The following WASHC5 variants were observed in gnomAD, a reference collection of about 807,000 sequenced individuals.
WASHC5 encodes WASH complex subunit strumpellin.
Under a neutral mutation model 150.4 loss-of-function variants are expected in WASHC5, and 101 were observed. The observed-to-expected ratio is 0.67, with a 90% CI of 0.57 to 0.79. WASHC5 has a LOEUF of 0.79. Among genes scored for constraint, WASHC5 ranks in the 30% least tolerant of loss-of-function variants. The pLI is 0.00. For missense variants in WASHC5, 1,195 were observed against 1,396.3 expected, an observed-to-expected ratio of 0.86 and a Z score of 2.30; for synonymous variants, 467 against 491.2, an observed-to-expected ratio of 0.95 and a Z score of 0.65.
intron 27 of WASHC5, among the ~76,000 whole-genome samples, chr8:125,030,132 A>C (rs1815483878): frequency 6.6e-6 from 1 of 152,180 alleles, no homozygotes; most frequent in South Asian, 2.1e-4. Flanking sequence ...AGTGAAAAAG[A>C]AAGAGAGGAA....
intron 6 of WASHC5, among the ~76,000 whole-genome samples, chr8:125,076,752 A>AAAAAAAAAAAAAG (rs1817075299): frequency 6.7e-6 from 1 of 149,964 alleles, no homozygotes; most frequent in African/African-American, 2.5e-5. Flanking sequence ...CTTAAAAAAA[A>AAAAAAAAAAAAAG]AAAAAAAAAG....
chr8:125,027,256 T>TC (rs771126729), intron 28 of WASHC5, among the ~76,000 whole-genome samples: 134 of 152,206 alleles, frequency 8.8e-4, no homozygotes, highest in Non-Finnish European at 1.6e-3. Context: ...TATGCAGCAA[T>TC]CCCACTACTG....
intron 26 of WASHC5, among the ~76,000 whole-genome samples, chr8:125,036,340 AC>A (rs1815704050): frequency 6.6e-6 from 1 of 152,210 alleles, no homozygotes; most frequent in South Asian, 2.1e-4. Context: ...TGGACAATGA[AC>A]CCTTACTGAG....
intron 1 of WASHC5, among the ~76,000 whole-genome samples, chr8:125,085,178 G>A (rs1031776211): frequency 3.3e-5 from 5 of 152,168 alleles, no homozygotes; most frequent in African/African-American, 1.2e-4. Context: ...AAGTGCTTCA[G>A]TGTGTCTTTA....
intron 14 of WASHC5, among the ~76,000 whole-genome samples, chr8:125,058,273 G>A (rs3860841): frequency 0.11 from 16,948 of 152,062 alleles, 2,222 homozygotes; most frequent in African/African-American, 0.31. Flanking sequence ...GTAGCTAGGC[G>A]CAGTGGTGCA....
rs143833827 is a variant in WASHC5, at chr8:125,068,245, A to G, written c.1151-526T>C. ...TTTTGAGAACTCACAAGATCAGCTC[A>G]CTAAGCCTTAAATGATTGTACAAAC... On this transcript the variant is annotated intron_variant, in intron 9 of 28. Coordinates refer to ENST00000318410, the MANE Select transcript of WASHC5 (RefSeq NM_014846.4). Among the ~76,000 whole-genome samples, 434 of 152,376 alleles carry G rather than the reference A, an allele frequency of 2.8e-3. 4 individuals are homozygous for G. The highest frequency in any genetic ancestry group is 6.8e-3 in the Middle Eastern group (2 of 294).
In WASHC5 at chr8:125,055,690, G is replaced by C; in HGVS notation, c.2017-19C>G. On this transcript the variant is annotated intron_variant, in intron 16 of 28. Transcript: ENST00000318410. Reference sequence around the variant, plus strand: ...TGGCAACCTATAACAAAGAAAAAGAGGTATGAAAAATCACTGTCTAATAGT... The same window carrying C: ...TGGCAACCTATAACAAAGAAAAAGACGTATGAAAAATCACTGTCTAATAGT... 1 of 1,481,216 alleles carries C rather than the reference G, an allele frequency of 6.8e-7. No individual in the cohort carries two copies. The highest frequency in any genetic ancestry group is 9.4e-7 in the Non-Finnish European group (1 of 1,059,428). 91.8% of individuals were successfully genotyped at this position (1,481,216 alleles called of 1,614,324 possible).
chr8:125,056,868 CTTGGCTGACAA>C, intron 15 of WASHC5, 51 bp from the exon 16 acceptor site: 1 of 1,611,800 alleles, frequency 6.2e-7, no homozygotes, highest in Non-Finnish European at 8.5e-7. Flanking sequence ...TTTTACTTTT[CTTGGCTGACAA>C]ATATTAGGAT....
intron 11 of WASHC5, among the ~76,000 whole-genome samples, chr8:125,062,149 T>C (rs892209456): frequency 1.3e-5 from 2 of 152,102 alleles, no homozygotes; most frequent in African/African-American, 2.4e-5. Flanking sequence ...GGGGCAGCGA[T>C]GGAGTAGTAG....
At chr8:125,067,445 T>C in intron 10 of WASHC5, 147 bp downstream of exon 10, 1 of 684,146 alleles carries the variant, frequency 1.5e-6, no homozygotes, top group South Asian at 1.7e-5. Flanking sequence ...TGTTTATTCC[T>C]GTCCTTTAAC....
intron 5 of WASHC5, 59 bp from the exon 6 acceptor site, chr8:125,078,989 A>C: frequency 7.2e-7 from 1 of 1,388,102 alleles, no homozygotes; most frequent in Non-Finnish European, 1.0e-6. Context: ...GAAACTGAAA[A>C]GTCCAATAAA....
At chr8:125,068,769 C>T (rs1260463475) in intron 9 of WASHC5, among the ~76,000 whole-genome samples, 2 of 152,236 alleles carry the variant, frequency 1.3e-5, no homozygotes, top group African/African-American at 2.4e-5. Flanking sequence ...GAACTATCCA[C>T]TACCCAGGCA....
intron 26 of WASHC5, among the ~76,000 whole-genome samples, chr8:125,035,442 G>GAAT (rs1165686145): frequency 1.3e-5 from 2 of 152,182 alleles, no homozygotes; most frequent in African/African-American, 4.8e-5. Context: ...TATTCCTATT[G>GAAT]AATAATAACA....
At position 125,032,307 on chromosome 8, in the gene WASHC5, C is replaced by A. The variant is rs762522662; in HGVS notation, c.3269G>T (p.Arg1090Leu). Reference sequence around the variant, plus strand: ...CAGCGCCAGGAACTGCTCGGTGTACCGGGAATGGAACTGCTTCAGCAGAGT... The same window carrying A: ...CAGCGCCAGGAACTGCTCGGTGTACAGGGAATGGAACTGCTTCAGCAGAGT... ...LLTLLKQFHS[R>L]YTEQFLALIG... Residue 1090 changes from arginine (R) to leucine (L), a missense_variant, in exon 27 of 29, where the codon CGG (arginine) becomes CTG (leucine). This residue lies in a region of WASHC5 where 997 missense variants were observed against 1,168.1 expected (regional missense o/e 0.85). Coordinates refer to ENST00000318410, the MANE Select transcript of WASHC5 (RefSeq NM_014846.4). 2 of 1,614,138 alleles carry A rather than the reference C, an allele frequency of 1.2e-6. No individual in the cohort carries two copies.
intron 27 of WASHC5, among the ~76,000 whole-genome samples, chr8:125,028,929 T>C (rs531454620): frequency 6.6e-6 from 1 of 152,296 alleles, no homozygotes; most frequent in African/African-American, 2.4e-5. Flanking sequence ...ACGGTTTCCA[T>C]GGGCGTTTAC....
Position 125,037,246 on chromosome 8 carries a change from TG to T in WASHC5, c.3171del (p.Asn1057LysfsTer28). ...LIAQLPKLQY[N>X]KNLGMVCRKP... Reference sequence around the variant, plus strand: ...TAAATGTTATACGTACCCAGATTTTTGTTGTATTGAAGTTTTGGCAACTGAG... The same window carrying T: ...TAAATGTTATACGTACCCAGATTTTTTTGTATTGAAGTTTTGGCAACTGAG... On this transcript the variant is annotated frameshift_variant, in exon 26 of 29. Coordinates refer to ENST00000318410, the MANE Select transcript of WASHC5 (RefSeq NM_014846.4). LOFTEE classifies it high-confidence loss of function. The T allele has an allele frequency of 6.3e-7, 1 of 1,584,762 alleles. No homozygotes were observed. Among genetic ancestry groups the T allele is most frequent in the Non-Finnish European group, 8.7e-7 (1 of 1,153,376 alleles).
chr8:125,025,829 G>GACACACACACACACACACACACAC (rs1320625975), intron 28 of WASHC5, among the ~76,000 whole-genome samples: 4 of 116,712 alleles, frequency 3.4e-5, no homozygotes, highest in South Asian at 3.1e-4. Context: ...TACATATGCA[G>GACACACACACACACACACACACAC]ACAGACACAC....
chr8:125,090,607 T>G (rs1036301300), intron 1 of WASHC5, among the ~76,000 whole-genome samples: 12 of 152,218 alleles, frequency 7.9e-5, no homozygotes, highest in Non-Finnish European at 1.5e-4. Flanking sequence ...GATTTTCAGT[T>G]TGGGAAGTAA....
At chr8:125,049,957 T>C (rs1384658295) in intron 18 of WASHC5, among the ~76,000 whole-genome samples, 1 of 151,948 alleles carries the variant, frequency 6.6e-6, no homozygotes, top group Non-Finnish European at 1.5e-5. Context: ...ACAACTGATG[T>C]CAGACATTCA....
Sources: gnomAD v4.1 joint callset for allele counts (sites outside exome capture counted in the v4.1 genomes callset) on GRCh38, gnomAD v4.1.1 for gene constraint, gnomAD v4.1.1 regional missense constraint, MANE v1.5 for transcripts, NCBI Gene and HGNC (gene_info 2026-07-23, HGNC 2026-07-21) for gene names.